Variants in HMBOX1 observed in about 807,000 individuals in gnomAD.
The protein encoded by HMBOX1 is homeobox-containing protein 1.
Under a neutral mutation model 54.5 loss-of-function variants are expected in HMBOX1, and 14 were observed. The ratio of observed to expected loss-of-function variants is 0.26; its 90% CI spans 0.17 to 0.40. The LOEUF is 0.40. Ranked by LOEUF, HMBOX1 falls within the 10% of genes least tolerant of loss-of-function variation. The probability of loss-of-function intolerance (pLI) is 1.00; values close to 1 mark genes in which losing one functional copy is unlikely to be tolerated. For synonymous variants in HMBOX1, 160 were observed against 181.0 expected (o/e 0.88, Z 0.93); for missense variants, 332 against 514.4 (o/e 0.65, Z 3.43).
intron 1 of HMBOX1, chr8:28,949,838 G>C (rs1386726919): frequency 6.6e-6 from 1 of 152,156 alleles, no homozygotes; most frequent in Non-Finnish European, 1.5e-5. Context: ...GTTTTGTAAA[G>C]TTTATTTGCT....
chr8:28,977,803 G>T lies in HMBOX1; in HGVS notation c.501-2268G>T, dbSNP rs571643647. ...AAAATACAAAAAAAAAATTAGCCGG[G>T]CGTAATGGCGGGCGCCTGTAGTCCC... On this transcript the variant is annotated intron_variant, in intron 3 of 9. Transcript: ENST00000287701. 3.2e-4 allele frequency among the ~76,000 whole-genome samples: 48 copies of T among 152,050 alleles called. No individual in the cohort carries two copies. The East Asian group carries it at 3.3e-3, about 10-fold the overall frequency.
At chr8:28,912,793 G>C (rs1815717207) in intron 1 of HMBOX1, among the ~76,000 whole-genome samples, 1 of 152,038 alleles carries the variant, frequency 6.6e-6, no homozygotes, top group African/African-American at 2.4e-5. Flanking sequence ...ACCACTTACA[G>C]ACTAGCCTAG....
chr8:29,019,785 C>T (rs1486699350), intron 6 of HMBOX1, among the ~76,000 whole-genome samples: 1 of 152,196 alleles, frequency 6.6e-6, no homozygotes, highest in Non-Finnish European at 1.5e-5. Context: ...TCATCTAAGA[C>T]TTTTGCCATC....
chr8:28,897,412 C>T (rs1261805083), intron 1 of HMBOX1, among the ~76,000 whole-genome samples: 2 of 152,158 alleles, frequency 1.3e-5, no homozygotes, highest in East Asian at 3.9e-4. Context: ...CGTGGTGGCT[C>T]ATGCCGGTAA....
chr8:28,965,778 A>G (rs1826327954), intron 2 of HMBOX1, among the ~76,000 whole-genome samples: 1 of 152,184 alleles, frequency 6.6e-6, no homozygotes, highest in South Asian at 2.1e-4. Context: ...GTGTCTGTTA[A>G]GCTCTTGAGT....
chr8:28,991,588 A>G (rs891400064), intron 4 of HMBOX1, among the ~76,000 whole-genome samples: 33 of 152,234 alleles, frequency 2.2e-4, no homozygotes, highest in Admixed American at 6.5e-5. Context: ...TGAGAAATGT[A>G]GTCCAGGATT....
chr8:29,023,144 A>G (rs1801457227), intron 6 of HMBOX1, among the ~76,000 whole-genome samples: 1 of 152,210 alleles, frequency 6.6e-6, no homozygotes, highest in Non-Finnish European at 1.5e-5. Context: ...GTAGGTACAG[A>G]TAAAACAAAT....
rs1829376197 is a variant in HMBOX1, at chr8:28,981,791, A to G, written c.586+1635A>G. Among the ~76,000 whole-genome samples the G allele has an allele frequency of 2.0e-5, 3 of 152,244 alleles. No individual in the cohort carries two copies. In the South Asian group the frequency reaches 6.2e-4, roughly 32 times the overall value. ...TTGAGCATATCTAAAGGCATGGAAT[A>G]AACCATAATGGGTTAAACATGATAC... On this transcript the variant is annotated intron_variant, in intron 4 of 9. Transcript: ENST00000287701.
chr8:29,049,217 G>C, intron 9 of HMBOX1, 169 bp downstream of exon 9: 1 of 1,505,484 alleles, frequency 6.6e-7, no homozygotes, highest in Non-Finnish European at 8.9e-7. Flanking sequence ...AAGGAATGTG[G>C]TAAGATTCAG....
chr8:28,891,638 C>T (rs1810988126), intron 1 of HMBOX1: 1 of 152,122 alleles, frequency 6.6e-6, no homozygotes, highest in Non-Finnish European at 1.5e-5. Context: ...GGAGATAGGG[C>T]GACTTATTTT....
chr8:28,934,800 G>A (rs1457855211), intron 1 of HMBOX1, among the ~76,000 whole-genome samples: 2 of 151,964 alleles, frequency 1.3e-5, no homozygotes, highest in Non-Finnish European at 2.9e-5. Flanking sequence ...GGTGGCAGGC[G>A]CCTGTAGTCC....
At chr8:28,959,604 T>C (rs1022964618) in intron 1 of HMBOX1, among the ~76,000 whole-genome samples, 1 of 152,218 alleles carries the variant, frequency 6.6e-6, no homozygotes, top group African/African-American at 2.4e-5. Flanking sequence ...CTTAGATCTT[T>C]TACATTTAAT....
At chr8:29,032,765 T>C (rs1379371405) in intron 6 of HMBOX1, among the ~76,000 whole-genome samples, 2 of 152,200 alleles carry the variant, frequency 1.3e-5, no homozygotes, top group Non-Finnish European at 2.9e-5. Context: ...TTGAACTTGA[T>C]TGAATATTTA....
intron 4 of HMBOX1, among the ~76,000 whole-genome samples, chr8:28,982,843 C>T (rs962069878): frequency 1.3e-5 from 2 of 152,014 alleles, no homozygotes; most frequent in African/African-American, 2.4e-5. Flanking sequence ...AGGCTGGTGT[C>T]GAACTCCTGA....
chr8:28,988,452 G>C (rs757495550), intron 4 of HMBOX1, among the ~76,000 whole-genome samples: 1 of 152,232 alleles, frequency 6.6e-6, no homozygotes, highest in Non-Finnish European at 1.5e-5. Flanking sequence ...ATACCCAGGA[G>C]TGGGATTGTG....
intron 5 of HMBOX1, chr8:29,010,267 T>G: frequency 5.4e-6 from 3 of 553,728 alleles, no homozygotes; most frequent in Non-Finnish European, 6.9e-6. Flanking sequence ...ATATAATAAT[T>G]ATTACCATTT....
At chr8:28,980,858 C>T (rs1168601027) in intron 4 of HMBOX1, among the ~76,000 whole-genome samples, 2 of 152,040 alleles carry the variant, frequency 1.3e-5, no homozygotes, top group South Asian at 2.1e-4. Flanking sequence ...TTAGAAGAAC[C>T]GGACACTCTT....
At chr8:28,916,258 ATTGT>A (rs1342658584) in intron 1 of HMBOX1, among the ~76,000 whole-genome samples, 1 of 152,148 alleles carries the variant, frequency 6.6e-6, no homozygotes, top group Non-Finnish European at 1.5e-5. Context: ...CATGAGTTTC[ATTGT>A]TTGTATTGGG....
chr8:29,030,281 G>A (rs539023560), intron 6 of HMBOX1, among the ~76,000 whole-genome samples: 20 of 150,998 alleles, frequency 1.3e-4, no homozygotes, highest in African/African-American at 4.1e-4. Context: ...ACAATGGCGT[G>A]ATCTCAGCTC....
Sources: gnomAD v4.1 joint callset for allele counts (sites outside exome capture counted in the v4.1 genomes callset) on GRCh38, gnomAD v4.1.1 for gene constraint, MANE v1.5 for transcripts, NCBI Gene and HGNC (gene_info 2026-07-23, HGNC 2026-07-21) for gene names.